Variants in DPP6 observed in about 807,000 individuals in gnomAD.
The protein encoded by DPP6 is A-type potassium channel modulatory protein DPP6.
Under a neutral mutation model 122.6 loss-of-function variants are expected in DPP6, and 69 were observed. The ratio of observed to expected loss-of-function variants is 0.56; its 90% confidence interval spans 0.46 to 0.69. The LOEUF (loss-of-function observed/expected upper bound fraction) is 0.69, where lower values mean the gene tolerates loss of function less well. Among genes scored for constraint, DPP6 ranks in the 30% least tolerant of loss-of-function variants. The pLI is 0.00. For missense variants in DPP6, 928 were observed against 1,116.9 expected (o/e 0.83, Z 2.41); for synonymous variants, 418 against 433.1 (o/e 0.97, Z 0.43).
chr7:154,866,965 C>T (rs538551032), intron 17 of DPP6, among the ~76,000 whole-genome samples: 13 of 150,890 alleles, frequency 8.6e-5, no homozygotes, highest in African/African-American at 2.4e-4. Flanking sequence ...CCCGGAGAAG[C>T]GCCCACCTGC....
intron 4 of DPP6, among the ~76,000 whole-genome samples, chr7:154,565,317 A>G (rs1329115995): frequency 6.6e-6 from 1 of 152,232 alleles, no homozygotes; most frequent in Non-Finnish European, 1.5e-5. Context: ...TTTATAGAAC[A>G]AAGCAACCAT....
chr7:153,895,736 A>G (rs201529440), intron 1 of DPP6, among the ~76,000 whole-genome samples: 24,991 of 130,794 alleles, frequency 0.19, 2,531 homozygotes, highest in Middle Eastern at 0.26. Flanking sequence ...GTGCACACAC[A>G]CACACACACA....
chr7:154,892,205 C>A, intron 25 of DPP6, 129 bp from the exon 26 acceptor site: 2 of 1,270,554 alleles, frequency 1.6e-6, no homozygotes, highest in African/African-American at 1.5e-5. Flanking sequence ...GGTTAGCAAA[C>A]CCACTTCATC....
At chr7:154,852,447 C>T (rs577393045) in intron 16 of DPP6, among the ~76,000 whole-genome samples, 4 of 137,454 alleles carry the variant, frequency 2.9e-5, no homozygotes, top group Non-Finnish European at 6.3e-5. Context: ...CCACAATCCA[C>T]CTGAGCCAAA....
Position 154,872,627 on chromosome 7 carries a change from T to C in DPP6, c.1817T>C (p.Leu606Pro). 1 of 1,600,162 alleles carries C rather than the reference T, an allele frequency of 6.2e-7. No individual in the cohort carries two copies. Among genetic ancestry groups the C allele is most frequent in the South Asian group, 1.1e-5 (1 of 87,916 alleles). Residue 606 changes from leucine (L) to proline (P), a missense_variant, in exon 19 of 26, where the codon CTG (leucine) becomes CCG (proline). Transcript: ENST00000377770. ...GCTGTGCTCTGCTTCTCCCCAGACC[T>C]GCCCATGCAGATACTGAAGCCAGCA... Reference protein sequence around the residue: ...YRDIEIDDYNLPMQILKPATF... With the variant: ...YRDIEIDDYNPPMQILKPATF...
At chr7:154,268,473 T>C (rs1006660172) in intron 1 of DPP6, among the ~76,000 whole-genome samples, 2 of 152,176 alleles carry the variant, frequency 1.3e-5, no homozygotes, top group African/African-American at 4.8e-5. Context: ...TGGGATTTCC[T>C]TTATAAGGGC....
chr7:154,450,800 T>A (rs911654048), intron 2 of DPP6, among the ~76,000 whole-genome samples: 16 of 152,256 alleles, frequency 1.1e-4, no homozygotes, highest in Non-Finnish European at 2.1e-4. Flanking sequence ...AGCTGGGGAC[T>A]TTAACCACTA....
At chr7:153,969,021 C>T (rs1324324412) in intron 1 of DPP6, among the ~76,000 whole-genome samples, 1 of 151,196 alleles carries the variant, frequency 6.6e-6, no homozygotes, top group Non-Finnish European at 1.5e-5. Context: ...CATTGGGGTT[C>T]TTTCCACTTT....
chr7:154,892,281 T>C, intron 25 of DPP6, 53 bp from the exon 26 acceptor site: 1 of 1,612,168 alleles, frequency 6.2e-7, no homozygotes, highest in Non-Finnish European at 8.5e-7. Flanking sequence ...TGCGTTCCCG[T>C]CCCCTGGGGA....
intron 1 of DPP6, among the ~76,000 whole-genome samples, chr7:154,033,694 T>C (rs1315823661): frequency 1.3e-5 from 2 of 152,222 alleles, no homozygotes; most frequent in Non-Finnish European, 2.9e-5. Flanking sequence ...GTTGCCCATA[T>C]TCCATGGTTG....
intron 3 of DPP6, among the ~76,000 whole-genome samples, chr7:154,502,136 T>C (rs1305313209): frequency 1.3e-5 from 2 of 152,214 alleles, no homozygotes; most frequent in Admixed American, 6.5e-5. Context: ...ATTTACCCAA[T>C]GCCTGTACCC....
intron 5 of DPP6, among the ~76,000 whole-genome samples, chr7:154,616,290 T>A (rs1367345834): frequency 6.6e-6 from 1 of 152,118 alleles, no homozygotes; most frequent in Non-Finnish European, 1.5e-5. Flanking sequence ...ATTCAACAGG[T>A]CTTGGGTAAG....
intron 6 of DPP6, among the ~76,000 whole-genome samples, chr7:154,663,076 T>C (rs58554637): frequency 0.5 from 22,939 of 45,788 alleles, 8,821 homozygotes; most frequent in East Asian, 0.9. Context: ...ATCACCATGG[T>C]ATATTGGCCA....
chr7:154,311,091 G>T (rs1400597620), intron 1 of DPP6, among the ~76,000 whole-genome samples: 1 of 152,044 alleles, frequency 6.6e-6, no homozygotes, highest in Non-Finnish European at 1.5e-5. Flanking sequence ...ACAGGTAGGG[G>T]GTGTATCATC....
intron 1 of DPP6, among the ~76,000 whole-genome samples, chr7:154,192,577 C>T (rs1209527190): frequency 1.3e-5 from 2 of 152,252 alleles, no homozygotes; most frequent in Non-Finnish European, 2.9e-5. Flanking sequence ...GGATAAAGTA[C>T]TCTTGAAATA....
intron 1 of DPP6, among the ~76,000 whole-genome samples, chr7:154,444,524 A>G (rs1192170516): frequency 2.0e-5 from 3 of 152,210 alleles, no homozygotes; most frequent in South Asian, 2.1e-4. Context: ...TGAAGATAAC[A>G]TTAATTTTAT....
chr7:154,031,969 C>A (rs2129055205), intron 1 of DPP6, among the ~76,000 whole-genome samples: 1 of 149,804 alleles, frequency 6.7e-6, no homozygotes, highest in African/African-American at 2.5e-5. Context: ...TCATGCCATT[C>A]TCCTGCCTCA....
intron 1 of DPP6, among the ~76,000 whole-genome samples, chr7:153,909,848 A>C (rs1800005111): frequency 2.0e-5 from 3 of 152,158 alleles, no homozygotes; most frequent in South Asian, 4.1e-4. Context: ...AACTTCATCA[A>C]CCAGGGACTG....
At chr7:154,073,456 T>C (rs1434756385) in intron 1 of DPP6, among the ~76,000 whole-genome samples, 2 of 152,280 alleles carry the variant, frequency 1.3e-5, no homozygotes, top group African/African-American at 2.4e-5. Context: ...CCTGGACCTA[T>C]ATCTGTGATC....
Sources: allele counts gnomAD v4.1 joint callset (sites outside exome capture counted in the v4.1 genomes callset), GRCh38; gene constraint gnomAD v4.1.1; transcripts MANE v1.5; gene names NCBI Gene and HGNC (gene_info 2026-07-23, HGNC 2026-07-21).